Variants in FAM53A observed in about 807,000 individuals in gnomAD.
The protein encoded by FAM53A is family with sequence similarity 53 member A, also known as protein FAM53A.
In FAM53A, 28 loss-of-function variants were observed where a neutral mutation model predicts 26.6. That is an observed-to-expected ratio of 1.05 (90% CI 0.78 to 1.45). The LOEUF is 1.45. Ranked by LOEUF, FAM53A falls within the 40% of genes most tolerant of loss-of-function variation. The probability of loss-of-function intolerance (pLI) is 0.00; values close to 1 mark genes in which losing one functional copy is unlikely to be tolerated. For synonymous variants in FAM53A, 290 were observed against 253.1 expected (o/e 1.15, Z -1.38); for missense variants, 650 against 575.8 (o/e 1.13, Z -1.32).
At chr4:1,585,667 C>G in the FAM53A span, among the ~76,000 whole-genome samples, 5 of 152,136 alleles carry the variant, frequency 3.3e-5, no homozygotes, top group Admixed American at 6.5e-5. Context: ...CTTTCTGTGC[C>G]TAGCTTATTT....
chr4:1,640,810 G>C lies in FAM53A; in HGVS notation c.*483C>G. On this transcript the variant is annotated 3_prime_UTR_variant, in exon 5 of 5. Coordinates refer to ENST00000308132, the MANE Select transcript of FAM53A (RefSeq NM_001174070.3). ...GACCAGCTCACAGGAAACCTACTCT[G>C]TGCCCCGGGGCAGGTGCAGGCGGCA... 7.5e-6 allele frequency: 3 copies of C among 402,170 alleles called. No homozygotes were observed. Among genetic ancestry groups the C allele is most frequent in the Non-Finnish European group, 1.4e-5 (3 of 209,806 alleles). The allele number at this position is 402,170 out of a possible 1,614,324, so 24.9% of individuals were successfully genotyped here.
chr4:1,680,594 G>A (rs946101719), intron 1 of FAM53A, among the ~76,000 whole-genome samples: 1 of 152,192 alleles, frequency 6.6e-6, no homozygotes, highest in Non-Finnish European at 1.5e-5. Flanking sequence ...TAGGTGAGCA[G>A]ATAAAGTGTG....
At chr4:1,582,015 C>T in the FAM53A span, among the ~76,000 whole-genome samples, 3 of 152,276 alleles carry the variant, frequency 2.0e-5, no homozygotes, top group Non-Finnish European at 4.4e-5. Context: ...CCTTGGCCTC[C>T]CAAAGTGCTG....
At chr4:1,644,464 C>T in intron 4 of FAM53A, 2 of 1,274,806 alleles carry the variant, frequency 1.6e-6, no homozygotes, top group Non-Finnish European at 2.1e-6. Flanking sequence ...CTAGCGAAGG[C>T]CACACGGAAC....
chr4:1,661,675 C>A (rs1365487768), intron 2 of FAM53A, among the ~76,000 whole-genome samples: 1 of 151,618 alleles, frequency 6.6e-6, no homozygotes, highest in African/African-American at 2.4e-5. Flanking sequence ...CAGCACTCAG[C>A]CACCATTACA....
intron 1 of FAM53A, among the ~76,000 whole-genome samples, chr4:1,677,850 CAGG>C (rs890936164): frequency 6.6e-6 from 1 of 152,188 alleles, no homozygotes; most frequent in African/African-American, 2.4e-5. Context: ...GAGGCCGAAG[CAGG>C]AGGTTTGCTT....
At chr4:1,575,448 G>C in the FAM53A span, among the ~76,000 whole-genome samples, 1 of 152,292 alleles carries the variant, frequency 6.6e-6, no homozygotes, top group East Asian at 1.9e-4. Context: ...CTGCGGTCTG[G>C]CAGGGGCCAC....
rs76504839 is a variant in FAM53A, at chr4:1,627,592, G to A, written c.432-9481C>T. Among the ~76,000 whole-genome samples the A allele has an allele frequency of 5.1e-3, 773 of 152,284 alleles. 6 individuals are homozygous for A. Among genetic ancestry groups the A allele is most frequent in the African/African-American group, 0.017 (727 of 41,558 alleles). The stretch of plus-strand genomic sequence containing the variant: ...TGGAGAGCTGGGGCTCCCATCCGCC[G>A]TGGGCCTGATCCTTCTTGTCCTCTC... On this transcript the variant is annotated intron_variant, in intron 1 of 1. Transcript: ENST00000489029.
chr4:1,636,282 G>A (rs1170669094), downstream of FAM53A, among the ~76,000 whole-genome samples: 4 of 152,074 alleles, frequency 2.6e-5, no homozygotes, highest in East Asian at 1.9e-4. Context: ...ACACCCCTCC[G>A]CTCAAGCCCA....
chr4:1,613,255 G>A (rs1276814833), downstream of FAM53A, among the ~76,000 whole-genome samples: 1 of 152,224 alleles, frequency 6.6e-6, no homozygotes, highest in Admixed American at 6.5e-5. Context: ...GAAGCCCAAG[G>A]TAGGGGCGCC....
At chr4:1,645,859 C>G (rs1007771472) in intron 4 of FAM53A, among the ~76,000 whole-genome samples, 1 of 152,240 alleles carries the variant, frequency 6.6e-6, no homozygotes, top group Non-Finnish European at 1.5e-5. Flanking sequence ...GTCCCTGCTA[C>G]AGTTTGAACG....
At chr4:1,600,434 C>T in the FAM53A span, among the ~76,000 whole-genome samples, 1 of 152,154 alleles carries the variant, frequency 6.6e-6, no homozygotes, top group South Asian at 2.1e-4. Flanking sequence ...AACCCTCAGC[C>T]CCTCCCCTAC....
At chr4:1,642,331 C>G (rs886658009) in intron 4 of FAM53A, among the ~76,000 whole-genome samples, 3 of 152,156 alleles carry the variant, frequency 2.0e-5, no homozygotes, top group Non-Finnish European at 4.4e-5. Context: ...GCTTCCAGTA[C>G]CCCCATGCCA....
chr4:1,620,806 CA>C (rs1475685992), intron 1 of FAM53A, among the ~76,000 whole-genome samples: 9 of 152,178 alleles, frequency 5.9e-5, no homozygotes, highest in Admixed American at 5.9e-4. Flanking sequence ...CACCAAAACA[CA>C]ACACTGCCAT....
intron 4 of FAM53A, among the ~76,000 whole-genome samples, chr4:1,643,463 C>A (rs1711942985): frequency 6.6e-6 from 1 of 151,424 alleles, no homozygotes; most frequent in Non-Finnish European, 1.5e-5. Context: ...GAGACTCTGT[C>A]TCAAAAAAAT....
the FAM53A span, among the ~76,000 whole-genome samples, chr4:1,610,430 G>C: frequency 6.6e-6 from 1 of 152,208 alleles, no homozygotes; most frequent in African/African-American, 2.4e-5. Context: ...ATGCCCAGGC[G>C]TGGTGCAGGG....
chr4:1,655,494 C>G lies in FAM53A; in HGVS notation c.366G>C (p.Arg122=). Residue 122 remains arginine, a synonymous_variant, in exon 4 of 5, where the codon CGG becomes CGC. Transcript: ENST00000308132. ...STAPPTKRHC[R]SLSEPEELVR... ...CAAGCTCCTCGGGTTCTGACAAGGA[C>G]CGGCAATGCCGCTTGGTCGGTGGGG... 1 of 1,574,380 alleles carries G rather than the reference C, an allele frequency of 6.4e-7. No individual in the cohort carries two copies. Among genetic ancestry groups the G allele is most frequent in the Non-Finnish European group, 8.6e-7 (1 of 1,159,184 alleles).
At chr4:1,646,561 C>T (rs781062716) in intron 4 of FAM53A, among the ~76,000 whole-genome samples, 1 of 152,178 alleles carries the variant, frequency 6.6e-6, no homozygotes, top group East Asian at 1.9e-4. Context: ...GAGAAAACAG[C>T]TCAGCAGGTG....
the FAM53A span, among the ~76,000 whole-genome samples, chr4:1,595,632 C>G: frequency 6.6e-6 from 1 of 152,230 alleles, no homozygotes; most frequent in South Asian, 2.1e-4. Context: ...CAGACCCCTC[C>G]TGACACTGCA....
Sources: allele counts gnomAD v4.1 joint callset (sites outside exome capture counted in the v4.1 genomes callset), GRCh38; gene constraint gnomAD v4.1.1; transcripts MANE v1.5; gene names NCBI Gene and HGNC (gene_info 2026-07-23, HGNC 2026-07-21).